Variants in ADGRL3 observed in about 807,000 individuals in gnomAD.
The protein encoded by ADGRL3 is calcium-independent alpha-latrotoxin receptor 3.
In ADGRL3, 62 loss-of-function variants were observed where a neutral mutation model predicts 153.5. That is an observed-to-expected ratio of 0.40 (90% CI 0.33 to 0.50). ADGRL3 has a LOEUF of 0.50. ADGRL3 is among the 20% of genes least tolerant of loss of function. The pLI is 0.47. For synonymous variants in ADGRL3, 710 were observed against 672.5 expected (o/e 1.06, Z -0.86); for missense variants, 1,641 against 1,859.4 (o/e 0.88, Z 2.16).
chr4:61,465,665 A>C (rs905507469), intron 2 of ADGRL3, among the ~76,000 whole-genome samples: 14 of 149,786 alleles, frequency 9.3e-5, no homozygotes, highest in Admixed American at 3.3e-4. Context: ...GTCTAAAATT[A>C]ATTTTTCTGT....
At chr4:61,609,560 G>T (rs939787073) in intron 5 of ADGRL3, among the ~76,000 whole-genome samples, 23 of 152,096 alleles carry the variant, frequency 1.5e-4, no homozygotes, top group African/African-American at 5.5e-4. Flanking sequence ...AGTATTTCAT[G>T]TCTTAAATCA....
chr4:61,720,086 A>T (rs1397236912), intron 6 of ADGRL3, among the ~76,000 whole-genome samples: 2 of 115,296 alleles, frequency 1.7e-5, no homozygotes, highest in Non-Finnish European at 3.3e-5. Context: ...ACTCAGAGTG[A>T]TACTTTTTTT....
At chr4:61,377,218 A>G (rs377117915) in intron 1 of ADGRL3, among the ~76,000 whole-genome samples, 1 of 152,090 alleles carries the variant, frequency 6.6e-6, no homozygotes, top group East Asian at 1.9e-4. Context: ...ATCCTGTCCT[A>G]TCCTACCCTA....
At chr4:61,463,836 T>C (rs979638527) in intron 2 of ADGRL3, among the ~76,000 whole-genome samples, 2 of 152,134 alleles carry the variant, frequency 1.3e-5, no homozygotes, top group Admixed American at 1.3e-4. Flanking sequence ...TAACACCAGA[T>C]GTGGATGGTC....
chr4:61,312,081 A>G (rs902918878), intron 1 of ADGRL3, among the ~76,000 whole-genome samples: 1 of 152,182 alleles, frequency 6.6e-6, no homozygotes, highest in Non-Finnish European at 1.5e-5. Context: ...AAAAAAATAA[A>G]TGGAACAAAA....
intron 9 of ADGRL3, among the ~76,000 whole-genome samples, chr4:61,816,007 AT>A (rs1379422449): frequency 6.6e-6 from 1 of 152,222 alleles, no homozygotes; most frequent in African/African-American, 2.4e-5. Flanking sequence ...TTATGACATA[AT>A]TGTTCATCAT....
chr4:61,428,535 A>G (rs1474661151), intron 2 of ADGRL3, among the ~76,000 whole-genome samples: 1 of 152,202 alleles, frequency 6.6e-6, no homozygotes, highest in Non-Finnish European at 1.5e-5. Context: ...AAATTAGTTT[A>G]TATTCAAATA....
chr4:61,366,199 T>C (rs2096393663), intron 1 of ADGRL3, among the ~76,000 whole-genome samples: 1 of 152,196 alleles, frequency 6.6e-6, no homozygotes, highest in Non-Finnish European at 1.5e-5. Context: ...CTCTTTCCAA[T>C]ATGTATACAG....
intron 1 of ADGRL3, among the ~76,000 whole-genome samples, chr4:61,238,944 A>G (rs1256368098): frequency 6.6e-6 from 1 of 152,144 alleles, no homozygotes; most frequent in Non-Finnish European, 1.5e-5. Context: ...TTTTTAAAAT[A>G]AATAAGTTCT....
chr4:61,270,341 GC>G (rs1360501412), intron 1 of ADGRL3, among the ~76,000 whole-genome samples: 1 of 151,588 alleles, frequency 6.6e-6, no homozygotes, highest in African/African-American at 2.4e-5. Flanking sequence ...GAATATTGTT[GC>G]CTGAATAATT....
intron 1 of ADGRL3, among the ~76,000 whole-genome samples, chr4:61,206,785 C>T (rs960324174): frequency 5.9e-5 from 9 of 151,954 alleles, no homozygotes; most frequent in African/African-American, 2.2e-4. Flanking sequence ...AGTTTGAGAC[C>T]AACCTGACCA....
At chr4:61,923,542 CAGG>C (rs1193349135) in intron 13 of ADGRL3, among the ~76,000 whole-genome samples, 1 of 152,110 alleles carries the variant, frequency 6.6e-6, no homozygotes, top group Non-Finnish European at 1.5e-5. Flanking sequence ...CCTACACTGC[CAGG>C]AGATGTAAAT....
In ADGRL3 at chr4:61,807,313, T is replaced by C. The variant is rs150027928; in HGVS notation, c.1400-6496T>C. On this transcript the variant is annotated intron_variant, in intron 8 of 26. Transcript: ENST00000683033. Reference sequence around the variant, plus strand: ...TATTTTGCTCAATCTTTGCAAAAAATAATTGCTCTAATTTTTTTTAACTTT... The same window carrying C: ...TATTTTGCTCAATCTTTGCAAAAAACAATTGCTCTAATTTTTTTTAACTTT... 3.8e-3 allele frequency among the ~76,000 whole-genome samples: 517 copies of C among 136,438 alleles called. 4 individuals are homozygous for C. The highest frequency in any genetic ancestry group is 7.4e-3 in the Middle Eastern group (2 of 272). 89.5% of individuals were successfully genotyped at this position (136,438 alleles called of 152,430 possible). A position where few individuals can be genotyped will look rare whatever the true frequency, so the allele number is the denominator to read the frequency against.
intron 1 of ADGRL3, among the ~76,000 whole-genome samples, chr4:61,267,399 A>G (rs558724729): frequency 6.6e-6 from 1 of 151,822 alleles, no homozygotes; most frequent in South Asian, 2.1e-4. Context: ...TTGAGCTCAG[A>G]GACTGGCTAA....
intron 8 of ADGRL3, among the ~76,000 whole-genome samples, chr4:61,766,346 G>C (rs1181601408): frequency 6.6e-6 from 1 of 152,112 alleles, no homozygotes; most frequent in Non-Finnish European, 1.5e-5. Context: ...TTGTGATTTT[G>C]AGGGCCTCTA....
chr4:61,968,406 A>C (rs1421257422), intron 17 of ADGRL3, among the ~76,000 whole-genome samples: 1 of 152,184 alleles, frequency 6.6e-6, no homozygotes, highest in Non-Finnish European at 1.5e-5. Flanking sequence ...TTAGAGAAAC[A>C]TCATTTACAT....
chr4:61,428,224 C>T (rs1323651110), intron 2 of ADGRL3: 1 of 152,568 alleles, frequency 6.6e-6, no homozygotes, highest in Non-Finnish European at 1.5e-5. Flanking sequence ...TATGCACCAC[C>T]CCTCACAGTG....
At chr4:61,953,821 G>A (rs2098956366) in intron 17 of ADGRL3, among the ~76,000 whole-genome samples, 1 of 152,224 alleles carries the variant, frequency 6.6e-6, no homozygotes, top group Non-Finnish European at 1.5e-5. Flanking sequence ...ATAAGTTAAT[G>A]TGTGGACACT....
At chr4:61,336,910 G>A (rs1450022773) in intron 1 of ADGRL3, among the ~76,000 whole-genome samples, 2 of 150,708 alleles carry the variant, frequency 1.3e-5, no homozygotes, top group African/African-American at 4.9e-5. Context: ...TTAAAATAGG[G>A]ATGAAAATGC....
Sources: gnomAD v4.1 joint callset for allele counts (sites outside exome capture counted in the v4.1 genomes callset) on GRCh38, gnomAD v4.1.1 for gene constraint, MANE v1.5 for transcripts, NCBI Gene and HGNC (gene_info 2026-07-23, HGNC 2026-07-21) for gene names.